Variants in PCBP3 observed in about 807,000 individuals in gnomAD.
PCBP3 encodes the protein poly(rC)-binding protein 3.
PCBP3 carries 25 observed loss-of-function variants against 52.7 expected under a neutral mutation model. The observed-to-expected ratio is 0.47, with a 90% CI of 0.35 to 0.66. PCBP3 has a LOEUF of 0.66. Ranked by LOEUF, PCBP3 falls within the 30% of genes least tolerant of loss-of-function variation. The pLI is 0.01. For synonymous variants in PCBP3, 162 were observed against 183.0 expected (o/e 0.89, Z 0.93); for missense variants, 391 against 490.3 (o/e 0.80, Z 1.91).
At chr21:45,836,906 G>A (rs1250673115) in intron 4 of PCBP3, among the ~76,000 whole-genome samples, 3 of 152,144 alleles carry the variant, frequency 2.0e-5, no homozygotes, top group Admixed American at 2.0e-4. Context: ...TGGCTGCATA[G>A]TGTTCCAGTG....
At chr21:45,893,545 G>T (rs1414713278) in intron 5 of PCBP3, among the ~76,000 whole-genome samples, 3 of 152,082 alleles carry the variant, frequency 2.0e-5, no homozygotes, top group Admixed American at 6.5e-5. Flanking sequence ...GCAGATGGTG[G>T]TCCACAGACC....
rs1229924142 is a variant in PCBP3, at chr21:45,837,514, C to T, written c.-125-12447C>T. ...TGGCTACGTGCCTGTGGAAATTCTCCTGCGGGCGGTTTCATGTCGAAGGCC... is the reference window on the plus strand; with the variant it reads ...TGGCTACGTGCCTGTGGAAATTCTCTTGCGGGCGGTTTCATGTCGAAGGCC... On this transcript the variant is annotated intron_variant, in intron 4 of 17. Transcript: ENST00000681687. This position sits in a 1 kb window ranked among gnomAD's most constrained non-coding sequence, Gnocchi z 4.1. Among the ~76,000 whole-genome samples the T allele has an allele frequency of 3.9e-5, 6 of 152,176 alleles. No individual in the cohort carries two copies. Among genetic ancestry groups the T allele is most frequent in the Admixed American group, 3.9e-4 (6 of 15,282 alleles).
At chr21:45,654,909 A>T (rs1482168752) in intron 1 of PCBP3, among the ~76,000 whole-genome samples, 1 of 152,192 alleles carries the variant, frequency 6.6e-6, no homozygotes, top group Non-Finnish European at 1.5e-5. Flanking sequence ...CTGTGAATTT[A>T]GTTTTCATCT....
intron 4 of PCBP3, among the ~76,000 whole-genome samples, chr21:45,814,984 G>GATGA (rs2092836467): frequency 8.5e-6 from 1 of 117,070 alleles, no homozygotes; most frequent in Admixed American, 8.5e-5. Flanking sequence ...ATGAGTGAGT[G>GATGA]GTGAGTGAGT....
chr21:45,879,897 A>T (rs2095359736), intron 5 of PCBP3, among the ~76,000 whole-genome samples: 1 of 152,042 alleles, frequency 6.6e-6, no homozygotes, highest in Non-Finnish European at 1.5e-5. Context: ...AAGAAACTTT[A>T]AAAAAAGAAA....
At chr21:45,673,982 T>A (rs1165895862) in intron 2 of PCBP3, among the ~76,000 whole-genome samples, 1 of 151,994 alleles carries the variant, frequency 6.6e-6, no homozygotes, top group Admixed American at 6.5e-5. Flanking sequence ...CAGTTATCTG[T>A]GGTATAACCC....
intron 4 of PCBP3, among the ~76,000 whole-genome samples, chr21:45,795,327 T>C (rs945240111): frequency 1.8e-4 from 27 of 151,704 alleles, no homozygotes; most frequent in East Asian, 9.7e-4. Context: ...TTTTTTTTTT[T>C]TCCCCTTTCC....
At chr21:45,938,739 CTG>C (rs1465951966) in intron 16 of PCBP3, among the ~76,000 whole-genome samples, 5 of 152,192 alleles carry the variant, frequency 3.3e-5, no homozygotes, top group Admixed American at 2.0e-4. Context: ...GTGGGGGTCT[CTG>C]TGGATATCTA....
intron 2 of PCBP3, among the ~76,000 whole-genome samples, chr21:45,715,276 G>T (rs2084137399): frequency 6.6e-6 from 1 of 152,148 alleles, no homozygotes. Context: ...ATTTTTAAAA[G>T]AGATCCAAAG....
In PCBP3 at chr21:45,817,061, C is replaced by T. The variant is rs1165671176; in HGVS notation, c.-125-32900C>T. Among the ~76,000 whole-genome samples, 2 of 152,068 alleles carry T rather than the reference C, an allele frequency of 1.3e-5. No homozygotes were observed. Among genetic ancestry groups the T allele is most frequent in the Non-Finnish European group, 2.9e-5 (2 of 68,016 alleles). On this transcript the variant is annotated intron_variant, in intron 4 of 17. Coordinates refer to ENST00000681687, the MANE Select transcript of PCBP3 (RefSeq NM_001384156.1). The surrounding 1 kb of genome is among the most constrained non-coding windows in gnomAD (Gnocchi z 4.3). ...GCACGTCTGTTGTTGCCTGAAATGC[C>T]GTTGTGTGGCACGTGACTATATATG...
chr21:45,908,739 C>T (rs1349314710), intron 9 of PCBP3, among the ~76,000 whole-genome samples: 4 of 152,202 alleles, frequency 2.6e-5, no homozygotes, highest in Admixed American at 2.0e-4. Context: ...CTGTCCCCCA[C>T]GGGTTGCCAG....
In PCBP3 at chr21:45,941,970, G is replaced by T; in HGVS notation, c.*264G>T. The stretch of plus-strand genomic sequence containing the variant: ...TCTGCCCATGCACCGGCATGCAGTG[G>T]TAATTATTTTAGAAATATTGTTCCT... On this transcript the variant is annotated 3_prime_UTR_variant, in exon 18 of 18. Transcript: ENST00000681687. 2.5e-6 allele frequency: 1 copy of T among 405,828 alleles called. No homozygotes were observed. The highest frequency in any genetic ancestry group is 4.3e-6 in the Non-Finnish European group (1 of 230,420). The allele number at this position is 405,828 out of a possible 1,614,324, so 25.1% of individuals were successfully genotyped here.
intron 5 of PCBP3, among the ~76,000 whole-genome samples, chr21:45,866,898 A>T (rs1259668138): frequency 6.6e-6 from 1 of 152,056 alleles, no homozygotes; most frequent in East Asian, 1.9e-4. Flanking sequence ...TCAGAAGGAC[A>T]CAGGAAAGAA....
chr21:45,920,758 A>G (rs1005821480), intron 13 of PCBP3, among the ~76,000 whole-genome samples: 2 of 152,208 alleles, frequency 1.3e-5, no homozygotes, highest in Non-Finnish European at 2.9e-5. Flanking sequence ...TGTGAGGACA[A>G]GAGCGTTCAG....
intron 5 of PCBP3, among the ~76,000 whole-genome samples, chr21:45,879,909 C>T (rs1484583045): frequency 1.3e-5 from 2 of 151,350 alleles, no homozygotes; most frequent in African/African-American, 4.9e-5. Flanking sequence ...AAAAAGAAAA[C>T]AAAACAAGCA....
At position 45,850,119 on chromosome 21, in the gene PCBP3, A is replaced by G. The variant is rs1379199773; in HGVS notation, c.10+24A>G. The G allele has an allele frequency of 1.7e-5, 26 of 1,546,144 alleles. No individual in the cohort carries two copies. In the East Asian group the frequency reaches 6.1e-4, roughly 36 times the overall value. ...AGGTGAGTTACTGTCTTTTGTTTCC[A>G]TGTTTGTTTGTTTACCAAGAGTGTA... On this transcript the variant is annotated intron_variant, in intron 5 of 17. Coordinates refer to ENST00000681687, the MANE Select transcript of PCBP3 (RefSeq NM_001384156.1).
At chr21:45,823,943 T>G (rs1461102515) in intron 4 of PCBP3, among the ~76,000 whole-genome samples, 1 of 152,074 alleles carries the variant, frequency 6.6e-6, no homozygotes, top group Non-Finnish European at 1.5e-5. Context: ...GGTTTCACCA[T>G]GTTGTCCAGG....
intron 1 of PCBP3, among the ~76,000 whole-genome samples, chr21:45,647,436 A>C (rs1240973519): frequency 6.6e-6 from 1 of 152,184 alleles, no homozygotes; most frequent in Non-Finnish European, 1.5e-5. Flanking sequence ...GGCCATACTC[A>C]GTGCTGCAGT....
At chr21:45,838,752 T>G (rs2093641084) in intron 4 of PCBP3, among the ~76,000 whole-genome samples, 1 of 152,210 alleles carries the variant, frequency 6.6e-6, no homozygotes, top group African/African-American at 2.4e-5. Context: ...TCTTTGCACT[T>G]TTTTCTGTCT....
Sources: gnomAD v4.1 joint callset for allele counts (sites outside exome capture counted in the v4.1 genomes callset) on GRCh38, gnomAD v4.1.1 for gene constraint, Gnocchi (gnomAD v3.1) non-coding constraint, MANE v1.5 for transcripts, NCBI Gene and HGNC (gene_info 2026-07-23, HGNC 2026-07-21) for gene names.